The following CCDC62 variants were observed in gnomAD, a reference collection of about 807,000 sequenced individuals.
CCDC62 encodes the protein coiled-coil domain containing 62, also known as coiled-coil domain-containing protein 62.
Under a neutral mutation model 80.8 loss-of-function variants are expected in CCDC62, and 72 were observed. That is an observed-to-expected ratio of 0.89 (90% CI 0.74 to 1.08). The LOEUF (loss-of-function observed/expected upper bound fraction) is 1.08, where lower values mean the gene tolerates loss of function less well. CCDC62 is among the 50% of genes least tolerant of loss of function. The pLI is 0.00. For synonymous variants in CCDC62, 286 were observed against 296.5 expected (o/e 0.96, Z 0.36); for missense variants, 704 against 809.4 (o/e 0.87, Z 1.58).
At chr12:122,785,330 A>G (rs60571418) in intron 3 of CCDC62, among the ~76,000 whole-genome samples, 2,591 of 152,276 alleles carry the variant, frequency 0.017, 74 homozygotes, top group African/African-American at 0.059. Flanking sequence ...TTATTTCAAC[A>G]AAGGAAATCT....
At chr12:122,812,250 C>T (rs2031923758) in intron 10 of CCDC62, among the ~76,000 whole-genome samples, 1 of 151,842 alleles carries the variant, frequency 6.6e-6, no homozygotes, top group African/African-American at 2.4e-5. Context: ...CAAGACCAGC[C>T]TGGCCAACAT....
At chr12:122,792,584 T>G (rs74741778) in intron 6 of CCDC62, among the ~76,000 whole-genome samples, 8,478 of 151,998 alleles carry the variant, frequency 0.056, 411 homozygotes, top group East Asian at 0.27. Flanking sequence ...AGTGGCATGA[T>G]CTCGGCTCAC....
At chr12:122,799,005 G>T (rs561926263) in intron 8 of CCDC62, among the ~76,000 whole-genome samples, 1 of 151,918 alleles carries the variant, frequency 6.6e-6, no homozygotes, top group Non-Finnish European at 1.5e-5. Context: ...GCTGGAACCC[G>T]GGAGGCAGAG....
At position 122,785,799 on chromosome 12, in the gene CCDC62, T is replaced by TA. The variant is rs761121480; in HGVS notation, c.478dup (p.Thr160AsnfsTer13). The TA allele has an allele frequency of 1.2e-6, 2 of 1,610,722 alleles. No individual in the cohort carries two copies. The highest frequency in any genetic ancestry group is 2.2e-5 in the South Asian group (2 of 91,020). On this transcript the variant is annotated frameshift_variant, in exon 4 of 13. Coordinates refer to ENST00000253079, the MANE Select transcript of CCDC62 (RefSeq NM_201435.5). LOFTEE classifies it high-confidence loss of function. ...AGCTACAAGCTCGAGAACAAGCTCT[T>TA]ACGACAATGATAAAGCTAAAGGTAA...
intron 10 of CCDC62, among the ~76,000 whole-genome samples, chr12:122,806,907 T>C (rs1036540567): frequency 1.4e-5 from 2 of 147,984 alleles, no homozygotes; most frequent in African/African-American, 5.0e-5. Flanking sequence ...TACAGAAATA[T>C]AGATATCACC....
chr12:122,801,663 G>A lies in CCDC62; in HGVS notation c.1517G>A (p.Gly506Asp). ...SCCQKNEACLGESGMCDSKCC... is the reference protein window; with the variant it reads ...SCCQKNEACLDESGMCDSKCC... Reference sequence around the variant, plus strand: ...TGCCAGAAAAATGAAGCCTGTCTGGGCGAAAGTGGCATGTGTGACTCCAAG... The same window carrying A: ...TGCCAGAAAAATGAAGCCTGTCTGGACGAAAGTGGCATGTGTGACTCCAAG... The change falls in exon 9 of 13, where the codon GGC (glycine) becomes GAC (aspartate). Residue 506 changes from glycine (G) to aspartate (D), a missense_variant. Physicochemically the swap from Gly to Asp is moderately conservative, Grantham distance 94. Coordinates refer to ENST00000253079, the MANE Select transcript of CCDC62 (RefSeq NM_201435.5). 6.2e-7 allele frequency: 1 copy of A among 1,614,182 alleles called. No individual in the cohort carries two copies. The highest frequency in any genetic ancestry group is 1.1e-5 in the South Asian group (1 of 91,082).
intron 11 of CCDC62, among the ~76,000 whole-genome samples, chr12:122,817,862 G>C (rs2032233351): frequency 6.6e-6 from 1 of 152,100 alleles, no homozygotes. Flanking sequence ...GTGCACGTCA[G>C]GTAGCCAACA....
Position 122,796,874 on chromosome 12 carries a change from CTTCT to C in CCDC62, c.773-430_773-427del, listed in dbSNP as rs869225446. On this transcript the variant is annotated intron_variant, in intron 6 of 12. Coordinates refer to ENST00000253079, the MANE Select transcript of CCDC62 (RefSeq NM_201435.5). ...TAATCCCTGAATCTACAAATCACTT[CTTCT>C]TTTTTTTTTTTTTTTTTTAAGACAA... 1.3e-3 allele frequency among the ~76,000 whole-genome samples: 192 copies of C among 145,576 alleles called. 2 individuals carry two copies. The highest frequency in any genetic ancestry group is 1.2e-3 in the Non-Finnish European group (83 of 66,834).
intron 6 of CCDC62, among the ~76,000 whole-genome samples, chr12:122,794,298 G>A (rs112727290): frequency 0.063 from 9,650 of 152,172 alleles, 1,059 homozygotes; most frequent in African/African-American, 0.22. Context: ...AGGCTCAAGT[G>A]ATCCTCCCAC....
chr12:122,823,581 C>T, intron 12 of CCDC62, 122 bp downstream of exon 12: 1 of 578,672 alleles, frequency 1.7e-6, no homozygotes, highest in South Asian at 2.3e-5. Context: ...TTCTCTTTTG[C>T]TCGACCAATT....
At chr12:122,795,043 A>AT (rs999763566) in intron 6 of CCDC62, among the ~76,000 whole-genome samples, 4 of 151,706 alleles carry the variant, frequency 2.6e-5, no homozygotes, top group Admixed American at 6.6e-5. Flanking sequence ...AAATGTCACG[A>AT]TTTTTTTTGT....
In CCDC62 at chr12:122,827,444, T is replaced by G. The variant is rs2032677888; in HGVS notation, c.*1063T>G. 6.6e-6 allele frequency: 1 copy of G among 152,172 alleles called. No homozygotes were observed. The highest frequency in any genetic ancestry group is 2.1e-4 in the South Asian group (1 of 4,828). 9.4% of individuals were successfully genotyped at this position (152,172 alleles called of 1,614,324 possible). ...GGGGAAGAGCCACCTCATTTAGCCT[T>G]TTTAATTAGGGTGCTGAAAAGAGAA... is the stretch of plus-strand genomic sequence containing the variant. On this transcript the variant is annotated 3_prime_UTR_variant, in exon 13 of 13. Coordinates refer to ENST00000253079, the MANE Select transcript of CCDC62 (RefSeq NM_201435.5).
intron 7 of CCDC62, among the ~76,000 whole-genome samples, chr12:122,797,819 C>G (rs984620337): frequency 5.9e-5 from 9 of 152,100 alleles, no homozygotes; most frequent in African/African-American, 2.2e-4. Context: ...GGATTACAGG[C>G]GTGAACCAGC....
chr12:122,811,336 C>T (rs994589357), intron 10 of CCDC62, among the ~76,000 whole-genome samples: 4 of 150,264 alleles, frequency 2.7e-5, no homozygotes, highest in African/African-American at 4.9e-5. Flanking sequence ...CTCAGCCTCC[C>T]TAGTAGCTGG....
In CCDC62 at chr12:122,813,503, C is replaced by T. The variant is rs369297674; in HGVS notation, c.2001+84C>T. ...CAGTGTGCAAATATCACCGGCAGGG[C>T]GGCCTTTCTGTTAGAGGGAGAGTTT... On this transcript the variant is annotated intron_variant, in intron 11 of 12. Coordinates refer to ENST00000253079, the MANE Select transcript of CCDC62 (RefSeq NM_201435.5). The T allele has an allele frequency of 2.8e-5, 37 of 1,333,324 alleles. No homozygotes were observed. In the African/African-American group the frequency reaches 4.0e-4, roughly 14 times the overall value. 82.6% of individuals were successfully genotyped at this position (1,333,324 alleles called of 1,614,324 possible).
At chr12:122,807,455 C>A (rs1390969997) in intron 10 of CCDC62, among the ~76,000 whole-genome samples, 1 of 144,312 alleles carries the variant, frequency 6.9e-6, no homozygotes, top group Non-Finnish European at 1.5e-5. Flanking sequence ...CGCTTGAAAC[C>A]AGGAGGCAGA....
At chr12:122,778,684 A>G (rs1172047101) in intron 2 of CCDC62, among the ~76,000 whole-genome samples, 1 of 152,124 alleles carries the variant, frequency 6.6e-6, no homozygotes. Context: ...GTTCAATACC[A>G]GCCCAGCCAA....
intron 3 of CCDC62, 142 bp from the exon 4 acceptor site, chr12:122,785,577 C>G: frequency 1.5e-6 from 1 of 665,070 alleles, no homozygotes; most frequent in Non-Finnish European, 2.7e-6. Flanking sequence ...TATTAGCCCA[C>G]TCCATTACCA....
Position 122,801,398 on chromosome 12 carries a change from C to G in CCDC62, c.1252C>G (p.Gln418Glu). 2 of 1,614,112 alleles carry G rather than the reference C, an allele frequency of 1.2e-6. No homozygotes were observed. Among genetic ancestry groups the G allele is most frequent in the African/African-American group, 1.3e-5 (1 of 75,040 alleles). ...NLPWSLGGKT[Q>E]IEPENKITLC... is the part of the protein sequence containing the mutation. ...CCCTTGGTCTCTGGGAGGAAAAACCCAGATTGAACCCGAAAACAAAATTAC... is the reference window on the plus strand; with the variant it reads ...CCCTTGGTCTCTGGGAGGAAAAACCGAGATTGAACCCGAAAACAAAATTAC... The change falls in exon 9 of 13, where the codon CAG becomes GAG. Residue 418 changes from glutamine to glutamate, a missense_variant. Gln to Glu is a conservative substitution (Grantham distance 29). Coordinates refer to ENST00000253079, the MANE Select transcript of CCDC62 (RefSeq NM_201435.5).
Sources: gnomAD v4.1 joint callset for allele counts (sites outside exome capture counted in the v4.1 genomes callset) on GRCh38, gnomAD v4.1.1 for gene constraint, MANE v1.5 for transcripts, NCBI Gene and HGNC (gene_info 2026-07-23, HGNC 2026-07-21) for gene names.